The following PRKG1 variants were observed in gnomAD, a reference collection of about 807,000 sequenced individuals.
The protein encoded by PRKG1 is protein kinase cGMP-dependent 1.
A neutral mutation model predicts 88.1 loss-of-function variants in PRKG1; 35 were observed. That is an observed-to-expected ratio of 0.40 (90% CI 0.30 to 0.53). The LOEUF is 0.53. PRKG1 is among the 20% of genes least tolerant of loss of function. The pLI is 0.59. For synonymous variants in PRKG1, 303 were observed against 292.5 expected (o/e 1.04, Z -0.37); for missense variants, 540 against 839.8 (o/e 0.64, Z 4.41).
chr10:52,058,013 A>G (rs1263299295), intron 6 of PRKG1, among the ~76,000 whole-genome samples: 4 of 151,976 alleles, frequency 2.6e-5, no homozygotes, highest in Non-Finnish European at 5.9e-5. Context: ...AGAAACAGTA[A>G]TTATTTATAC....
intron 3 of PRKG1, among the ~76,000 whole-genome samples, chr10:51,556,004 G>T (rs1837300463): frequency 6.6e-6 from 1 of 151,950 alleles, no homozygotes; most frequent in African/African-American, 2.4e-5. Flanking sequence ...GAAAAGAAAG[G>T]CGAGAAAGAG....
intron 2 of PRKG1, among the ~76,000 whole-genome samples, chr10:51,400,008 A>T (rs1328693580): frequency 3.3e-5 from 5 of 152,142 alleles, no homozygotes; most frequent in Admixed American, 6.5e-5. Context: ...TCCAGACTTC[A>T]TTGGCAATTG....
At chr10:51,062,829 T>G (rs1281002839) in intron 1 of PRKG1, 2 of 152,058 alleles carry the variant, frequency 1.3e-5, no homozygotes, top group African/African-American at 4.8e-5. Context: ...TCCATGTTGG[T>G]CAGGTTGGTC....
intron 7 of PRKG1, among the ~76,000 whole-genome samples, chr10:52,084,528 C>A (rs1040434610): frequency 2.0e-5 from 3 of 152,014 alleles, no homozygotes; most frequent in African/African-American, 7.2e-5. Flanking sequence ...CATTTTGCTA[C>A]ATTTGTTTCA....
intron 1 of PRKG1, among the ~76,000 whole-genome samples, chr10:51,117,331 G>A (rs886968528): frequency 1.3e-5 from 2 of 152,152 alleles, no homozygotes; most frequent in African/African-American, 4.8e-5. Context: ...TTACATTCTT[G>A]TTATATTCTA....
chr10:51,081,293 A>G (rs941517377), intron 1 of PRKG1, among the ~76,000 whole-genome samples: 1 of 152,230 alleles, frequency 6.6e-6, no homozygotes, highest in Non-Finnish European at 1.5e-5. Flanking sequence ...TATTGGTAAA[A>G]CTATGCCATA....
chr10:51,661,628 G>T (rs1429622824), intron 3 of PRKG1, among the ~76,000 whole-genome samples: 1 of 152,164 alleles, frequency 6.6e-6, no homozygotes, highest in Non-Finnish European at 1.5e-5. Context: ...TTCACTGTTG[G>T]TGGGAGTCTA....
intron 4 of PRKG1, among the ~76,000 whole-genome samples, chr10:51,838,662 A>G (rs146112681): frequency 2.3e-4 from 35 of 152,266 alleles, no homozygotes; most frequent in Non-Finnish European, 4.9e-4. Context: ...GTCTTTAGTA[A>G]TGAAAGCAGA....
Position 51,549,264 on chromosome 10 carries a change from A to G in PRKG1, c.592+81428A>G, listed in dbSNP as rs148951384. Among the ~76,000 whole-genome samples, 680 of 150,944 alleles carry G rather than the reference A, an allele frequency of 4.5e-3. 7 individuals carry two copies. Among genetic ancestry groups the G allele is most frequent in the African/African-American group, 0.015 (617 of 41,178 alleles). On this transcript the variant is annotated intron_variant, in intron 3 of 17. Coordinates refer to ENST00000373980, the MANE Select transcript of PRKG1 (RefSeq NM_006258.4). ...TCAGCCTCCCAAAGTAGCTGGGATT[A>G]CAGGTGCGTGCCACCACGCCCAGCT...
At chr10:51,110,370 A>G (rs1844954737) in intron 1 of PRKG1, among the ~76,000 whole-genome samples, 1 of 152,156 alleles carries the variant, frequency 6.6e-6, no homozygotes, top group Non-Finnish European at 1.5e-5. Context: ...TCAATAATAA[A>G]AAGCAATAAG....
chr10:51,671,923 T>A lies in PRKG1; in HGVS notation c.593-132662T>A, dbSNP rs1220511346. 2.0e-5 allele frequency among the ~76,000 whole-genome samples: 3 copies of A among 152,166 alleles called. No individual in the cohort carries two copies. The East Asian group carries it at 5.8e-4, about 29-fold the overall frequency. Reference sequence around the variant, plus strand: ...TACTCCAGTATGACCTTTTCTTGATTTAACTAATTATATCTGCAAAGATCC... The same window carrying A: ...TACTCCAGTATGACCTTTTCTTGATATAACTAATTATATCTGCAAAGATCC... On this transcript the variant is annotated intron_variant, in intron 3 of 17. Coordinates refer to ENST00000373980, the MANE Select transcript of PRKG1 (RefSeq NM_006258.4).
At chr10:51,858,347 TAAA>T (rs376417275) in intron 4 of PRKG1, among the ~76,000 whole-genome samples, 5 of 42,052 alleles carry the variant, frequency 1.2e-4, no homozygotes, top group East Asian at 3.7e-4. Context: ...ATATATTATA[TAAA>T]ATATATATAT....
At chr10:51,532,619 G>A (rs1276705880) in intron 3 of PRKG1, among the ~76,000 whole-genome samples, 16 of 152,116 alleles carry the variant, frequency 1.1e-4, no homozygotes, top group Admixed American at 9.8e-4. Flanking sequence ...TCTCATTACT[G>A]ACAAACAGCT....
At chr10:51,497,353 G>A (rs916358938) in intron 3 of PRKG1, among the ~76,000 whole-genome samples, 1 of 151,994 alleles carries the variant, frequency 6.6e-6, no homozygotes, top group African/African-American at 2.4e-5. Context: ...CACTAATTGA[G>A]CACCTATTAT....
At chr10:52,064,494 G>A (rs903156834) in intron 7 of PRKG1, among the ~76,000 whole-genome samples, 1 of 152,208 alleles carries the variant, frequency 6.6e-6, no homozygotes, top group East Asian at 1.9e-4. Flanking sequence ...CAGGGATCTT[G>A]TCAGCTCCTA....
intron 2 of PRKG1, among the ~76,000 whole-genome samples, chr10:51,219,877 T>A (rs1293168784): frequency 6.6e-6 from 1 of 152,140 alleles, no homozygotes. Flanking sequence ...GCAGAATTTC[T>A]AGGAATGACC....
At chr10:51,763,523 G>A (rs1838077323) in intron 3 of PRKG1, among the ~76,000 whole-genome samples, 1 of 150,778 alleles carries the variant, frequency 6.6e-6, no homozygotes, top group South Asian at 2.1e-4. Context: ...AAAGTGCTGG[G>A]ATTACAGTCA....
chr10:51,132,735 A>T (rs891888726), intron 1 of PRKG1, among the ~76,000 whole-genome samples: 2 of 147,742 alleles, frequency 1.4e-5, no homozygotes, highest in African/African-American at 2.5e-5. Context: ...TATGTAATAT[A>T]ATATATATAT....
intron 9 of PRKG1, among the ~76,000 whole-genome samples, chr10:52,188,462 C>A (rs1839278270): frequency 6.6e-6 from 1 of 151,282 alleles, no homozygotes; most frequent in South Asian, 2.1e-4. Context: ...GATCCTCCGA[C>A]CTCACTCAGG....
Sources: allele counts gnomAD v4.1 joint callset (sites outside exome capture counted in the v4.1 genomes callset), GRCh38; gene constraint gnomAD v4.1.1; transcripts MANE v1.5; gene names NCBI Gene and HGNC (gene_info 2026-07-23, HGNC 2026-07-21).